Variants in SLC24A3 observed in about 807,000 individuals in gnomAD.
The protein encoded by SLC24A3 is sodium/potassium/calcium exchanger 3.
In SLC24A3, 28 loss-of-function variants were observed where a neutral mutation model predicts 75.8. The observed-to-expected ratio is 0.37, with a 90% CI of 0.27 to 0.51. SLC24A3 has a LOEUF of 0.51. Among genes scored for constraint, SLC24A3 ranks in the 20% least tolerant of loss-of-function variants. SLC24A3 has a pLI of 0.94. For synonymous variants in SLC24A3, 372 were observed against 334.1 expected, an observed-to-expected ratio of 1.11 and a Z score of -1.24; for missense variants, 663 against 847.8, an observed-to-expected ratio of 0.78 and a Z score of 2.71.
chr20:19,343,641 CAG>C (rs1462300692), intron 2 of SLC24A3, among the ~76,000 whole-genome samples: 1 of 151,996 alleles, frequency 6.6e-6, no homozygotes, highest in African/African-American at 2.4e-5. Context: ...ATTGTGCAGA[CAG>C]AGGGAAGACA....
chr20:19,516,787 C>T (rs2030000284), intron 3 of SLC24A3, among the ~76,000 whole-genome samples: 1 of 152,192 alleles, frequency 6.6e-6, no homozygotes, highest in African/African-American at 2.4e-5. Flanking sequence ...ACAGTCACAG[C>T]CCACTGTGAT....
chr20:19,695,455 T>C (rs2032793457), intron 13 of SLC24A3: 1 of 152,186 alleles, frequency 6.6e-6, no homozygotes, highest in Non-Finnish European at 1.5e-5. Flanking sequence ...TGCCACCAGC[T>C]CCCTCATCAT....
At chr20:19,240,452 C>T (rs1982298597) in intron 1 of SLC24A3, among the ~76,000 whole-genome samples, 1 of 152,158 alleles carries the variant, frequency 6.6e-6, no homozygotes, top group African/African-American at 2.4e-5. Context: ...CAGGGAACTC[C>T]AGGGATAGTA....
chr20:19,711,680 G>A (rs147682257), intron 15 of SLC24A3, among the ~76,000 whole-genome samples: 61 of 151,570 alleles, frequency 4.0e-4, no homozygotes, highest in African/African-American at 1.3e-3. Context: ...TCACTCTGTC[G>A]CCAGGCTGGA....
chr20:19,534,557 T>C (rs1271919213), intron 3 of SLC24A3, among the ~76,000 whole-genome samples: 2 of 152,152 alleles, frequency 1.3e-5, no homozygotes, highest in African/African-American at 4.8e-5. Flanking sequence ...ATTACAGGCA[T>C]GTATCACCAC....
Position 19,212,777 on chromosome 20 carries a change from C to A in SLC24A3, c.-66C>A, listed in dbSNP as rs975203923. On this transcript the variant is annotated 5_prime_UTR_variant, in exon 1 of 17. Coordinates refer to ENST00000328041, the MANE Select transcript of SLC24A3 (RefSeq NM_020689.4). Reference sequence around the variant, plus strand: ...CGCAGGGCTGCCTCCTGCCGCTGTCCCCGCCGCGGCCGCCCGCGACAGGAG... The same window carrying A: ...CGCAGGGCTGCCTCCTGCCGCTGTCACCGCCGCGGCCGCCCGCGACAGGAG... The A allele has an allele frequency of 1.7e-5, 17 of 976,996 alleles. No homozygotes were observed. In the African/African-American group the frequency reaches 3.0e-4, roughly 17 times the overall value. 60.5% of individuals were successfully genotyped at this position (976,996 alleles called of 1,614,324 possible).
chr20:19,471,400 G>C (rs1272126638), intron 2 of SLC24A3, among the ~76,000 whole-genome samples: 1 of 152,148 alleles, frequency 6.6e-6, no homozygotes, highest in Admixed American at 6.5e-5. Flanking sequence ...CTTCCTTAGG[G>C]TTCATTGCTA....
intron 2 of SLC24A3, among the ~76,000 whole-genome samples, chr20:19,300,745 G>GTCTC (rs1055341733): frequency 2.0e-5 from 3 of 152,106 alleles, no homozygotes; most frequent in African/African-American, 7.2e-5. Flanking sequence ...AAGGAGGGGT[G>GTCTC]TCTCTCTCTC....
At chr20:19,578,263 C>CGT (rs61675241) in intron 3 of SLC24A3, among the ~76,000 whole-genome samples, 5,092 of 150,716 alleles carry the variant, frequency 0.034, 139 homozygotes, top group South Asian at 0.1. Flanking sequence ...TCATTTGGGA[C>CGT]GTGTGTGTGT....
At chr20:19,263,801 G>T (rs937338762) in intron 1 of SLC24A3, among the ~76,000 whole-genome samples, 1 of 152,224 alleles carries the variant, frequency 6.6e-6, no homozygotes. Context: ...AAAGTGAGAA[G>T]AATAAAGTGG....
At chr20:19,442,416 A>G (rs1987311997) in intron 2 of SLC24A3, among the ~76,000 whole-genome samples, 1 of 152,134 alleles carries the variant, frequency 6.6e-6, no homozygotes, top group Non-Finnish European at 1.5e-5. Context: ...ATAGGTGCAT[A>G]GTTGTATCTC....
rs1295301173 is a variant in SLC24A3, at chr20:19,601,217, G to A, written c.612+15673G>A. ...GTGTTGCCAGCAAGAGTTTGGCTTG[G>A]GCTTTCTGCCCAGCACAGAAGCTTG... On this transcript the variant is annotated intron_variant, in intron 6 of 16. Coordinates refer to ENST00000328041, the MANE Select transcript of SLC24A3 (RefSeq NM_020689.4). Among the ~76,000 whole-genome samples, 3 of 152,132 alleles carry A rather than the reference G, an allele frequency of 2.0e-5. No homozygotes were observed. In the East Asian group the frequency reaches 5.8e-4, roughly 29 times the overall value.
At chr20:19,455,929 T>C (rs1177413019) in intron 2 of SLC24A3, among the ~76,000 whole-genome samples, 2 of 152,258 alleles carry the variant, frequency 1.3e-5, no homozygotes, top group African/African-American at 4.8e-5. Context: ...TAGGCGACTA[T>C]TGTGTACAAG....
At chr20:19,657,039 T>C (rs1187387239) in intron 7 of SLC24A3, among the ~76,000 whole-genome samples, 1 of 152,228 alleles carries the variant, frequency 6.6e-6, no homozygotes, top group African/African-American at 2.4e-5. Context: ...ACCCCAGAGC[T>C]GAGCTAGCTG....
chr20:19,324,305 G>A (rs1344244800), intron 2 of SLC24A3, among the ~76,000 whole-genome samples: 1 of 152,094 alleles, frequency 6.6e-6, no homozygotes, highest in Non-Finnish European at 1.5e-5. Context: ...GCCTTCCTTG[G>A]TGCTAAAACT....
At chr20:19,541,861 C>T (rs1296632471) in intron 3 of SLC24A3, among the ~76,000 whole-genome samples, 2 of 152,192 alleles carry the variant, frequency 1.3e-5, no homozygotes, top group African/African-American at 4.8e-5. Context: ...ACATCCTTAC[C>T]TGTAATTAAT....
intron 13 of SLC24A3, chr20:19,693,630 T>A (rs930442709): frequency 1.7e-6 from 1 of 588,420 alleles, no homozygotes; most frequent in Non-Finnish European, 2.7e-6. Context: ...GTGGATTCAT[T>A]AATCTTAGCT....
chr20:19,557,147 T>C (rs1205516915), intron 3 of SLC24A3, among the ~76,000 whole-genome samples: 3 of 152,164 alleles, frequency 2.0e-5, no homozygotes, highest in Admixed American at 6.5e-5. Context: ...ATCTTGGTTC[T>C]TTTGTCCTAG....
At chr20:19,598,653 G>A (rs975591966) in intron 6 of SLC24A3, among the ~76,000 whole-genome samples, 2 of 152,070 alleles carry the variant, frequency 1.3e-5, no homozygotes, top group Admixed American at 1.3e-4. Flanking sequence ...ATTAGAATTA[G>A]GGCACTTGGT....
Sources: gnomAD v4.1 joint callset for allele counts (sites outside exome capture counted in the v4.1 genomes callset) on GRCh38, gnomAD v4.1.1 for gene constraint, MANE v1.5 for transcripts, NCBI Gene and HGNC (gene_info 2026-07-23, HGNC 2026-07-21) for gene names.